SPAM1: variants seen among roughly 807,000 people sequenced by gnomAD.
The protein encoded by SPAM1 is hyaluronidase PH-20.
Under a neutral mutation model 29.6 loss-of-function variants are expected in SPAM1, and 22 were observed. The observed-to-expected ratio is 0.74, with a 90% confidence interval of 0.53 to 1.06. SPAM1 has a LOEUF of 1.06. Ranked by LOEUF, SPAM1 falls within the 50% of genes least tolerant of loss-of-function variation. SPAM1 has a pLI of 0.00. For missense variants in SPAM1, 534 were observed against 604.0 expected (o/e 0.88, Z 1.21); for synonymous variants, 194 against 204.6 (o/e 0.95, Z 0.44).
rs376386057 is a variant in SPAM1 at position 123,959,480 on chromosome 7, A to T, written c.1045-4A>T. 17 of 1,566,622 alleles carry T rather than the reference A, an allele frequency of 1.1e-5. No individual in the cohort carries two copies. The highest frequency in any genetic ancestry group is 1.3e-5 in the Non-Finnish European group (15 of 1,153,766). ...ATTCTGACTGTCTTATAATAATTTT[A>T]CAGAAATCTTGCTTGCTCCTAGACA... On this transcript the variant is annotated splice_polypyrimidine_tract_variant and splice_region_variant and intron_variant, in intron 4 of 4. Coordinates refer to ENST00000682466, the MANE Select transcript of SPAM1 (RefSeq NM_153189.3).
At chr7:123,945,710 T>A (rs1476944914) in intron 1 of SPAM1, among the ~76,000 whole-genome samples, 1 of 152,030 alleles carries the variant, frequency 6.6e-6, no homozygotes, top group South Asian at 2.1e-4. Context: ...TTGAAGATGG[T>A]GAAAGGGGAG....
At chr7:123,941,197 A>T (rs1447797226) in intron 1 of SPAM1, among the ~76,000 whole-genome samples, 1 of 152,316 alleles carries the variant, frequency 6.6e-6, no homozygotes, top group East Asian at 1.9e-4. Context: ...GGTATCTGAG[A>T]CAGGTCTCAA....
In SPAM1 at chr7:123,955,005, T is replaced by C. The variant is rs1584959870; in HGVS notation, c.963T>C (p.Leu321=). ...TCTGTCACATTTTCCAGGATGAACTTGTGTATACATTTGGCGAAACTGTTG... is the reference window on the plus strand; with the variant it reads ...TCTGTCACATTTTCCAGGATGAACTCGTGTATACATTTGGCGAAACTGTTG... ...QVLKFLSQDE[L]VYTFGETVAL... Residue 321 remains leucine (L), a synonymous_variant, in exon 4 of 5, where the codon CTT becomes CTC. Coordinates refer to ENST00000682466, the MANE Select transcript of SPAM1 (RefSeq NM_153189.3). 1.9e-6 allele frequency: 3 copies of C among 1,610,116 alleles called. No individual in the cohort carries two copies. In the East Asian group the frequency reaches 6.7e-5, roughly 36 times the overall value.
chr7:123,937,336 T>C (rs565064024), intron 1 of SPAM1, among the ~76,000 whole-genome samples: 2 of 152,254 alleles, frequency 1.3e-5, no homozygotes, highest in Admixed American at 1.3e-4. Context: ...GCGCGGTGGC[T>C]CACGCCTGTA....
chr7:123,932,443 C>G (rs1334323440), intron 1 of SPAM1: 4 of 152,272 alleles, frequency 2.6e-5, no homozygotes, highest in African/African-American at 9.7e-5. Flanking sequence ...CTGTTTCTAA[C>G]TGCCTATGAA....
exon 6 of SPAM1, chr7:123,970,230 C>T: frequency 1.3e-6 from 2 of 1,549,130 alleles, no homozygotes; most frequent in Non-Finnish European, 8.7e-7. Context: ...AAGGTATTAG[C>T]AGAATTGGTT....
intron 5 of SPAM1, among the ~76,000 whole-genome samples, chr7:123,966,323 G>A (rs530830998): frequency 7.9e-5 from 12 of 152,084 alleles, no homozygotes; most frequent in Non-Finnish European, 1.0e-4. Context: ...CTGTTGGGGA[G>A]TGTGCAAATT....
intron 1 of SPAM1, among the ~76,000 whole-genome samples, chr7:123,931,916 C>T (rs561572883): frequency 2.6e-5 from 4 of 152,242 alleles, no homozygotes; most frequent in African/African-American, 9.6e-5. Flanking sequence ...TGTCCAAACT[C>T]CAGCCCAATG....
intron 1 of SPAM1, among the ~76,000 whole-genome samples, chr7:123,926,840 G>A (rs1807902482): frequency 6.6e-6 from 1 of 152,160 alleles, no homozygotes; most frequent in Admixed American, 6.5e-5. Flanking sequence ...ATTGTGCAGA[G>A]GAAGCTCTTA....
At chr7:123,940,707 A>ACTGGCCTCAAACTC (rs1808402867) in intron 1 of SPAM1, among the ~76,000 whole-genome samples, 1 of 151,904 alleles carries the variant, frequency 6.6e-6, no homozygotes, top group South Asian at 2.1e-4. Context: ...TGTTGCCCAG[A>ACTGGCCTCAAACTC]CTGGCCTCAA....
intron 1 of SPAM1, among the ~76,000 whole-genome samples, chr7:123,946,604 A>G (rs1462857872): frequency 6.6e-6 from 1 of 152,178 alleles, no homozygotes; most frequent in Non-Finnish European, 1.5e-5. Flanking sequence ...TGAGAGAGAC[A>G]TGAGACATCA....
At chr7:123,941,720 C>T (rs1340897477) in intron 1 of SPAM1, among the ~76,000 whole-genome samples, 1 of 152,154 alleles carries the variant, frequency 6.6e-6, no homozygotes, top group African/African-American at 2.4e-5. Context: ...CCCAGGTTGA[C>T]TTTTTCCTTG....
chr7:123,955,522 C>G (rs1243079209), intron 4 of SPAM1, among the ~76,000 whole-genome samples: 2 of 151,968 alleles, frequency 1.3e-5, no homozygotes, highest in Non-Finnish European at 2.9e-5. Context: ...ATTTTTTCTT[C>G]TCTGGTGGTT....
chr7:123,961,513 G>T (rs548091638), downstream of SPAM1, among the ~76,000 whole-genome samples: 1 of 151,952 alleles, frequency 6.6e-6, no homozygotes, highest in South Asian at 2.1e-4. Context: ...TTTTTCTTAT[G>T]ACTGAGTAGT....
intron 1 of SPAM1, among the ~76,000 whole-genome samples, chr7:123,929,838 C>T (rs1172043816): frequency 6.7e-6 from 1 of 150,170 alleles, no homozygotes; most frequent in African/African-American, 2.4e-5. Context: ...GGCCAGAGTG[C>T]TTTCTGCCAT....
chr7:123,970,611 T>TAATA (rs1554432387), intron 6 of SPAM1, among the ~76,000 whole-genome samples: 4 of 102,130 alleles, frequency 3.9e-5, no homozygotes, highest in African/African-American at 1.7e-4. Flanking sequence ...TAATAATAAT[T>TAATA]ATTATTATTA....
At chr7:123,943,894 T>C (rs1192562340) in intron 1 of SPAM1, among the ~76,000 whole-genome samples, 2 of 152,186 alleles carry the variant, frequency 1.3e-5, no homozygotes, top group African/African-American at 4.8e-5. Flanking sequence ...CAGTTAAATA[T>C]GTCTCTCAAA....
chr7:123,928,506 G>A (rs1358605164), intron 1 of SPAM1, among the ~76,000 whole-genome samples: 2 of 152,200 alleles, frequency 1.3e-5, no homozygotes, highest in Non-Finnish European at 2.9e-5. Context: ...CATGATGGAT[G>A]TTAAGAGGGC....
chr7:123,967,609 C>T lies in SPAM1; in HGVS notation c.1486-2589C>T, dbSNP rs181123788. ...GTGCGTGTGTGTGTGCATGTGTGCA[C>T]ATGTGTGGGTGTATGCATGTGTGTG... On this transcript the variant is annotated intron_variant, in intron 5 of 6. Transcript: ENST00000340011. Among the ~76,000 whole-genome samples, 170 of 151,466 alleles carry T rather than the reference C, an allele frequency of 1.1e-3. 4 individuals carry two copies. Among genetic ancestry groups the T allele is most frequent in the Admixed American group, 8.8e-3 (134 of 15,164 alleles).
Sources: gnomAD v4.1 joint callset for allele counts (sites outside exome capture counted in the v4.1 genomes callset) on GRCh38, gnomAD v4.1.1 for gene constraint, MANE v1.5 for transcripts, NCBI Gene and HGNC (gene_info 2026-07-23, HGNC 2026-07-21) for gene names.